CACNA2D3: variants seen among roughly 807,000 people sequenced by gnomAD.
CACNA2D3 encodes the protein calcium voltage-gated channel auxiliary subunit alpha2delta 3.
Under a neutral mutation model 160.6 loss-of-function variants are expected in CACNA2D3, and 60 were observed. The observed-to-expected ratio is 0.37, with a 90% CI of 0.30 to 0.46. CACNA2D3 has a LOEUF of 0.46. CACNA2D3 is among the 20% of genes least tolerant of loss of function. The pLI, the probability that CACNA2D3 is intolerant of heterozygous loss-of-function variation, is 1.00. For synonymous variants in CACNA2D3, 558 were observed against 492.9 expected (o/e 1.13, Z -1.75); for missense variants, 1,205 against 1,365.0 (o/e 0.88, Z 1.85).
chr3:54,422,582 G>GA (rs1457140581), intron 4 of CACNA2D3, among the ~76,000 whole-genome samples: 1 of 152,078 alleles, frequency 6.6e-6, no homozygotes, highest in Non-Finnish European at 1.5e-5. Context: ...CATGGACAAA[G>GA]AAAAGATGCT....
chr3:54,814,108 A>G (rs190617837), intron 13 of CACNA2D3, among the ~76,000 whole-genome samples: 155 of 152,220 alleles, frequency 1.0e-3, no homozygotes, highest in Non-Finnish European at 1.9e-3. Flanking sequence ...GACTCAAGCA[A>G]TCTGCCCAAC....
chr3:54,827,260 A>C (rs2106737770), intron 14 of CACNA2D3, among the ~76,000 whole-genome samples: 1 of 152,228 alleles, frequency 6.6e-6, no homozygotes, highest in Middle Eastern at 3.4e-3. Context: ...GGCACTTGCA[A>C]CGTCTTTGTC....
At chr3:54,809,404 C>T (rs1227585511) in intron 13 of CACNA2D3, among the ~76,000 whole-genome samples, 5 of 139,298 alleles carry the variant, frequency 3.6e-5, no homozygotes, top group East Asian at 2.1e-4. Context: ...CTGCAAGCTC[C>T]GCTTCCCGGG....
intron 35 of CACNA2D3, among the ~76,000 whole-genome samples, chr3:55,032,463 G>T: frequency 6.6e-6 from 1 of 152,164 alleles, no homozygotes; most frequent in East Asian, 1.9e-4. Flanking sequence ...GTACCCAGGG[G>T]TTCTCTCACA....
intron 9 of CACNA2D3, among the ~76,000 whole-genome samples, chr3:54,598,234 GGAGGCGGAGGTTGCAGT>G (rs1702993530): frequency 6.8e-6 from 1 of 147,738 alleles, no homozygotes; most frequent in Admixed American, 6.8e-5. Flanking sequence ...CTTGAACCTG[GGAGGCGGAGGTTGCAGT>G]GAGCCGAGAT....
At chr3:55,073,424 C>A in intron 35 of CACNA2D3, 21 bp from the exon 36 acceptor site, 2 of 1,570,190 alleles carry the variant, frequency 1.3e-6, no homozygotes, top group Middle Eastern at 1.7e-4. Flanking sequence ...ATGACTGCCT[C>A]GCTACCTCTT....
chr3:54,338,789 G>A (rs1704452638), intron 3 of CACNA2D3, among the ~76,000 whole-genome samples: 1 of 152,130 alleles, frequency 6.6e-6, no homozygotes, highest in Non-Finnish European at 1.5e-5. Context: ...TAAGATGAGA[G>A]CAGTGACTGC....
Position 54,155,174 on chromosome 3 carries a change from A to G in CACNA2D3, c.204+31580A>G, listed in dbSNP as rs143524480. Among the ~76,000 whole-genome samples, 387 of 152,312 alleles carry G rather than the reference A, an allele frequency of 2.5e-3. 4 individuals carry two copies. Among genetic ancestry groups the G allele is most frequent in the African/African-American group, 9.1e-3 (377 of 41,562 alleles). Reference sequence around the variant, plus strand: ...TATAGTGGTCAGGGTTTAGTGGTCTATGGTTTAGTGGTCAGCATGCTAGGC... The same window carrying G: ...TATAGTGGTCAGGGTTTAGTGGTCTGTGGTTTAGTGGTCAGCATGCTAGGC... On this transcript the variant is annotated intron_variant, in intron 2 of 37. Coordinates refer to ENST00000474759, the MANE Select transcript of CACNA2D3 (RefSeq NM_018398.3).
intron 22 of CACNA2D3, 60 bp from the exon 23 acceptor site, chr3:54,885,429 A>G (rs1699900505): frequency 3.8e-6 from 6 of 1,599,246 alleles, no homozygotes; most frequent in South Asian, 1.1e-5. Flanking sequence ...TTCCAAGGCA[A>G]AGGAAGCAGA....
At chr3:54,166,253 C>T (rs1203356616) in intron 2 of CACNA2D3, among the ~76,000 whole-genome samples, 1 of 152,178 alleles carries the variant, frequency 6.6e-6, no homozygotes, top group African/African-American at 2.4e-5. Context: ...CTCTGTGGTC[C>T]TGAGGACCAC....
intron 10 of CACNA2D3, among the ~76,000 whole-genome samples, chr3:54,630,441 C>T (rs959425894): frequency 3.3e-5 from 5 of 152,152 alleles, no homozygotes; most frequent in Non-Finnish European, 7.4e-5. Flanking sequence ...GCCGGCCTGC[C>T]AAGGTACTCC....
At chr3:54,468,080 T>TG (rs1168648993) in intron 4 of CACNA2D3, among the ~76,000 whole-genome samples, 1 of 152,180 alleles carries the variant, frequency 6.6e-6, no homozygotes, top group African/African-American at 2.4e-5. Context: ...CCTAGGTCTT[T>TG]GGATGTTTCT....
chr3:54,698,585 A>T (rs1372785073), intron 11 of CACNA2D3, among the ~76,000 whole-genome samples: 1 of 152,116 alleles, frequency 6.6e-6, no homozygotes, highest in African/African-American at 2.4e-5. Flanking sequence ...TGACATTCGG[A>T]AGGGCAAGCG....
chr3:54,582,805 A>G (rs1702699846), intron 9 of CACNA2D3, among the ~76,000 whole-genome samples: 1 of 152,244 alleles, frequency 6.6e-6, no homozygotes, highest in South Asian at 2.1e-4. Flanking sequence ...AGATGCAGGT[A>G]GTAGAAGCAC....
intron 2 of CACNA2D3, among the ~76,000 whole-genome samples, chr3:54,128,271 C>A (rs1430612599): frequency 6.6e-6 from 1 of 152,134 alleles, no homozygotes; most frequent in African/African-American, 2.4e-5. Flanking sequence ...GTTATTATTT[C>A]CAGTTTTTGA....
rs763640334 is a variant in CACNA2D3, at chr3:54,896,848, C to G, written c.2346C>G (p.Val782=). The G allele has an allele frequency of 6.2e-7, 1 of 1,613,992 alleles. No individual in the cohort carries two copies. Among genetic ancestry groups the G allele is most frequent in the East Asian group, 2.2e-5 (1 of 44,872 alleles). Residue 782 remains valine, a synonymous_variant, in exon 26 of 38, where the codon GTC becomes GTG. Transcript: ENST00000474759. ...RAAEQIPGSF[V]YSIPFSTGPV... is the part of the protein sequence containing the mutation. ...CTGAGCAGATTCCAGGGAGCTTCGT[C>G]TACTCGATCCCATTCAGCACTGGTG...
chr3:54,619,279 T>C (rs775830696), intron 9 of CACNA2D3, among the ~76,000 whole-genome samples: 2 of 152,220 alleles, frequency 1.3e-5, no homozygotes, highest in African/African-American at 2.4e-5. Context: ...GTAATCATCA[T>C]GTCCCTCCCC....
chr3:54,363,012 T>C (rs1403621030), intron 3 of CACNA2D3, among the ~76,000 whole-genome samples: 3 of 152,076 alleles, frequency 2.0e-5, no homozygotes, highest in Non-Finnish European at 4.4e-5. Context: ...CTGGTCAACA[T>C]GGTGAAACCT....
At chr3:54,789,814 A>C (rs761669536) in intron 13 of CACNA2D3, 2 of 511,806 alleles carry the variant, frequency 3.9e-6, no homozygotes, top group Middle Eastern at 6.4e-4. Flanking sequence ...CTCACATCTA[A>C]AGTGAGCCCG....
Sources: gnomAD v4.1 joint callset for allele counts (sites outside exome capture counted in the v4.1 genomes callset) on GRCh38, gnomAD v4.1.1 for gene constraint, MANE v1.5 for transcripts, NCBI Gene and HGNC (gene_info 2026-07-23, HGNC 2026-07-21) for gene names.